Variants in SLC35F5 observed in about 807,000 individuals in gnomAD.
SLC35F5 encodes solute carrier family 35 member F5, also known as HCV NS5A-transactivated protein 3.
A neutral mutation model predicts 68.6 loss-of-function variants in SLC35F5; 54 were observed. The observed-to-expected ratio is 0.79, with a 90% CI of 0.63 to 0.99. The LOEUF (loss-of-function observed/expected upper bound fraction) is 0.99, where lower values mean the gene tolerates loss of function less well. Among genes scored for constraint, SLC35F5 ranks in the 50% least tolerant of loss-of-function variants. The pLI, the probability that SLC35F5 is intolerant of heterozygous loss-of-function variation, is 0.00. For missense variants in SLC35F5, 567 were observed against 626.9 expected (o/e 0.90, Z 1.02); for synonymous variants, 211 against 205.2 (o/e 1.03, Z -0.24).
intron 14 of SLC35F5, 39 bp downstream of exon 14, chr2:113,719,115 A>C: frequency 6.4e-7 from 1 of 1,574,432 alleles, no homozygotes; most frequent in Non-Finnish European, 8.6e-7. Flanking sequence ...TTATCTAGCA[A>C]ACACTATTTT....
At chr2:113,727,934 C>T (rs766712409) in intron 11 of SLC35F5, among the ~76,000 whole-genome samples, 1 of 152,168 alleles carries the variant, frequency 6.6e-6, no homozygotes, top group Non-Finnish European at 1.5e-5. Context: ...AAAAAACTAG[C>T]ATTTTATTCC....
chr2:113,743,810 A>G lies in SLC35F5; in HGVS notation c.481-16T>C. The G allele has an allele frequency of 6.4e-7, 1 of 1,569,794 alleles. No individual in the cohort carries two copies. Among genetic ancestry groups the G allele is most frequent in the Non-Finnish European group, 8.7e-7 (1 of 1,152,606 alleles). ...GAGGTTCACTCTGGAATGTAACAGA[A>G]AAAAATATAAACAACAAATATAAAA... On this transcript the variant is annotated splice_polypyrimidine_tract_variant and intron_variant, in intron 5 of 15. Transcript: ENST00000245680.
chr2:113,732,043 A>C (rs919346026), intron 9 of SLC35F5, among the ~76,000 whole-genome samples: 3 of 152,188 alleles, frequency 2.0e-5, no homozygotes, highest in African/African-American at 7.2e-5. Context: ...GTTAAGAATG[A>C]ATTAACCAAC....
At chr2:113,723,981 C>T (rs1393041798) in intron 12 of SLC35F5, among the ~76,000 whole-genome samples, 3 of 152,116 alleles carry the variant, frequency 2.0e-5, no homozygotes, top group Non-Finnish European at 4.4e-5. Context: ...ATTGTTAGGA[C>T]TACAGATCCA....
intron 5 of SLC35F5, among the ~76,000 whole-genome samples, chr2:113,746,026 CT>C (rs1676469578): frequency 6.6e-6 from 1 of 152,126 alleles, no homozygotes. Flanking sequence ...AAGGATTGTC[CT>C]TTATTATTTT....
chr2:113,740,566 A>G (rs1022075570), intron 7 of SLC35F5, among the ~76,000 whole-genome samples: 2 of 152,156 alleles, frequency 1.3e-5, no homozygotes, highest in Non-Finnish European at 2.9e-5. Flanking sequence ...TGTACAGTTA[A>G]TGGCATAAAG....
chr2:113,706,187 G>C (rs1304210826), downstream of SLC35F5, among the ~76,000 whole-genome samples: 1 of 152,178 alleles, frequency 6.6e-6, no homozygotes, highest in Non-Finnish European at 1.5e-5. Flanking sequence ...AGTCAGGGGA[G>C]TCGACACCAG....
intron 9 of SLC35F5, chr2:113,733,506 T>C (rs114630339): frequency 8.5e-4 from 177 of 208,998 alleles, no homozygotes; most frequent in African/African-American, 4.1e-3. Flanking sequence ...ATTTCCCTAA[T>C]GCAAAAATTT....
Position 113,713,018 on chromosome 2 carries a change from G to A in SLC35F5, c.*2200C>T, listed in dbSNP as rs1265811138. On this transcript the variant is annotated 3_prime_UTR_variant, in exon 16 of 16. Transcript: ENST00000245680. ...GCACAACTTTATTTCTTGAGAAGATGAACCCTTAACTATGAAGGTGCAGAA... is the reference window on the plus strand; with the variant it reads ...GCACAACTTTATTTCTTGAGAAGATAAACCCTTAACTATGAAGGTGCAGAA... 1 of 152,180 alleles carries A rather than the reference G, an allele frequency of 6.6e-6. No homozygotes were observed. The allele number at this position is 152,180 out of a possible 1,614,324, so 9.4% of individuals were successfully genotyped here.
At chr2:113,753,012 T>C (rs1676805815) in intron 3 of SLC35F5, among the ~76,000 whole-genome samples, 2 of 152,176 alleles carry the variant, frequency 1.3e-5, no homozygotes, top group Admixed American at 6.5e-5. Context: ...GAGGAGAGGT[T>C]GATAAGGTTG....
chr2:113,738,544 T>C (rs1467580544), intron 7 of SLC35F5, among the ~76,000 whole-genome samples: 1 of 152,130 alleles, frequency 6.6e-6, no homozygotes, highest in East Asian at 1.9e-4. Context: ...TGATGAACAC[T>C]GTAAAATAAA....
rs764882352 is a variant in SLC35F5, at chr2:113,742,780, G to A, written c.662C>T (p.Pro221Leu). The change falls in exon 7 of 16, where the codon CCT becomes CTT. Residue 221 changes from proline (P) to leucine (L), a missense_variant. Transcript: ENST00000245680. ...CAGTATGGATTCTTGTTCTTTCACA[G>A]GATATGACATGCGAGACAACTTTGC... ...LEAKLSRMSY[P>L]VKEQESILKT... 3 of 1,614,082 alleles carry A rather than the reference G, an allele frequency of 1.9e-6. No homozygotes were observed. The highest frequency in any genetic ancestry group is 2.5e-6 in the Non-Finnish European group (3 of 1,180,002).
intron 12 of SLC35F5, 85 bp from the exon 13 acceptor site, chr2:113,723,279 T>C (rs1465625251): frequency 3.6e-6 from 3 of 833,224 alleles, no homozygotes; most frequent in Non-Finnish European, 5.2e-6. Flanking sequence ...TCCTATAATA[T>C]AGGCCTGTGA....
intron 7 of SLC35F5, among the ~76,000 whole-genome samples, chr2:113,741,299 T>G (rs1378348904): frequency 6.6e-6 from 1 of 152,182 alleles, no homozygotes; most frequent in African/African-American, 2.4e-5. Context: ...AGAGGAGCTA[T>G]TGTTTAACGG....
chr2:113,746,442 C>A (rs1479700374), intron 4 of SLC35F5, 103 bp from the exon 5 acceptor site: 2 of 817,640 alleles, frequency 2.4e-6, no homozygotes, highest in Admixed American at 1.9e-5. Flanking sequence ...CCAGAATCAA[C>A]CTGTAAGACT....
chr2:113,743,464 T>C (rs1460170478), intron 6 of SLC35F5, among the ~76,000 whole-genome samples: 2 of 152,198 alleles, frequency 1.3e-5, no homozygotes, highest in East Asian at 1.9e-4. Flanking sequence ...TGTGTGTATG[T>C]GTGTATACAT....
chr2:113,744,214 G>T (rs1676395118), intron 5 of SLC35F5, among the ~76,000 whole-genome samples: 1 of 152,116 alleles, frequency 6.6e-6, no homozygotes, highest in Admixed American at 6.5e-5. Flanking sequence ...AATAAAAGCA[G>T]TCTCTTCCTC....
chr2:113,753,168 C>CTTTTTTTTT (rs1173478465), intron 3 of SLC35F5, among the ~76,000 whole-genome samples: 896 of 49,086 alleles, frequency 0.018, 217 homozygotes, highest in African/African-American at 0.024. Flanking sequence ...GTTTGTTTTT[C>CTTTTTTTTT]TTTTTTTTTT....
At position 113,734,634 on chromosome 2, in the gene SLC35F5, T is replaced by C. The variant is rs753146033; in HGVS notation, c.872A>G (p.Asn291Ser). 1.2e-5 allele frequency: 20 copies of C among 1,607,258 alleles called. No homozygotes were observed. Among genetic ancestry groups the C allele is most frequent in the Non-Finnish European group, 1.5e-5 (18 of 1,174,824 alleles). The change falls in exon 9 of 16, where the codon AAC becomes AGC. Residue 291 changes from asparagine to serine, a missense_variant. Physicochemically the swap from Asn to Ser is conservative, Grantham distance 46. Coordinates refer to ENST00000245680, the MANE Select transcript of SLC35F5 (RefSeq NM_025181.5). The stretch of plus-strand genomic sequence containing the variant: ...AGAAAGGGTAAATCTATCTCCACTG[T>C]TACTTGGAAATACTGCAGCAAGGAT... The part of the protein sequence containing the change: ...TLILAAVFPS[N>S]SGDRFTLSKL...
Sources: allele counts gnomAD v4.1 joint callset (sites outside exome capture counted in the v4.1 genomes callset), GRCh38; gene constraint gnomAD v4.1.1; transcripts MANE v1.5; gene names NCBI Gene and HGNC (gene_info 2026-07-23, HGNC 2026-07-21).